Variants in BAIAP2 observed in about 807,000 individuals in gnomAD.
BAIAP2 encodes the protein BAR/IMD domain containing adaptor protein 2.
In BAIAP2, 18 loss-of-function variants were observed where a neutral mutation model predicts 63.0. The ratio of observed to expected loss-of-function variants is 0.29; its 90% CI spans 0.20 to 0.42. BAIAP2 has a LOEUF of 0.42. Among genes scored for constraint, BAIAP2 ranks in the 10% least tolerant of loss-of-function variants. The probability of loss-of-function intolerance (pLI) is 1.00; values close to 1 mark genes in which losing one functional copy is unlikely to be tolerated. For synonymous variants in BAIAP2, 386 were observed against 307.6 expected (o/e 1.25, Z -2.67); for missense variants, 610 against 734.3 (o/e 0.83, Z 1.96).
chr17:81,103,752 C>T (rs777942500), intron 8 of BAIAP2, 29 bp downstream of exon 8: 5 of 718,468 alleles, frequency 7.0e-6, no homozygotes, highest in Admixed American at 4.1e-5. Flanking sequence ...GAAAGCTTCA[C>T]GGGTGTGGGT....
chr17:81,115,642 C>A, intron 13 of BAIAP2, 128 bp from the exon 14 acceptor site: 2 of 1,117,896 alleles, frequency 1.8e-6, no homozygotes, highest in South Asian at 1.4e-5. Context: ...TGTCTGTGAG[C>A]TCTGTGCCCT....
At chr17:81,072,364 T>C (rs558984472) in intron 3 of BAIAP2, among the ~76,000 whole-genome samples, 2 of 152,360 alleles carry the variant, frequency 1.3e-5, no homozygotes, top group African/African-American at 4.8e-5. Context: ...GGAGGGGCTC[T>C]CCTCAGTGTC....
chr17:81,045,339 G>A (rs2047659888), intron 1 of BAIAP2, among the ~76,000 whole-genome samples: 1 of 152,176 alleles, frequency 6.6e-6, no homozygotes, highest in African/African-American at 2.4e-5. Context: ...ATGGCCGTGT[G>A]GCCCTTCCCA....
intron 3 of BAIAP2, among the ~76,000 whole-genome samples, chr17:81,073,038 C>A (rs1215277614): frequency 6.6e-6 from 1 of 152,098 alleles, no homozygotes; most frequent in Non-Finnish European, 1.5e-5. Flanking sequence ...CAGGATGACC[C>A]CCAGCCAGCA....
intron 10 of BAIAP2, 137 bp from the exon 11 acceptor site, chr17:81,105,941 A>G (rs910358500): frequency 1.4e-6 from 1 of 709,578 alleles, no homozygotes; most frequent in Non-Finnish European, 2.4e-6. Context: ...GTCTCCCTGG[A>G]GCACTGTCTC....
intron 3 of BAIAP2, among the ~76,000 whole-genome samples, chr17:81,070,599 T>C (rs1326366371): frequency 1.3e-5 from 2 of 152,186 alleles, no homozygotes; most frequent in Non-Finnish European, 2.9e-5. Flanking sequence ...GGCGTGCCTG[T>C]CCCGCTGCAG....
chr17:81,041,020 G>A (rs909702298), intron 1 of BAIAP2, among the ~76,000 whole-genome samples: 2 of 152,234 alleles, frequency 1.3e-5, no homozygotes, highest in Non-Finnish European at 2.9e-5. Flanking sequence ...GCGGGGGCCC[G>A]TTTCTGCCTG....
intron 1 of BAIAP2, 64 bp from the exon 2 acceptor site, chr17:81,053,604 G>T: frequency 6.3e-7 from 1 of 1,582,572 alleles, no homozygotes; most frequent in Non-Finnish European, 8.7e-7. Flanking sequence ...TCTGTGTTCG[G>T]ACCCTTCGGA....
At position 81,035,172 on chromosome 17, in the gene BAIAP2, C is replaced by A; in HGVS notation, c.-83C>A. 1 of 1,207,592 alleles carries A rather than the reference C, an allele frequency of 8.3e-7. No individual in the cohort carries two copies. Among genetic ancestry groups the A allele is most frequent in the Non-Finnish European group, 1.1e-6 (1 of 896,148 alleles). The allele number at this position is 1,207,592 out of a possible 1,614,324, so 74.8% of individuals were successfully genotyped here. On this transcript the variant is annotated 5_prime_UTR_variant, in exon 1 of 14. Transcript: ENST00000428708. The stretch of plus-strand genomic sequence containing the variant: ...CTCTGTGGTTCGGGTCCGCTTTCGT[C>A]TCCGTCCTGCTGCCGTTACCGCCGC...
At chr17:81,071,887 G>A (rs568377840) in intron 3 of BAIAP2, among the ~76,000 whole-genome samples, 17 of 152,248 alleles carry the variant, frequency 1.1e-4, no homozygotes, top group African/African-American at 2.4e-4. Flanking sequence ...AGCGTGGCAC[G>A]GAGGCGCCGG....
intron 13 of BAIAP2, chr17:81,110,522 G>T: frequency 1.8e-6 from 2 of 1,101,578 alleles, no homozygotes; most frequent in Middle Eastern, 4.0e-4. Flanking sequence ...CACGAGTTGG[G>T]TATGGACCTC....
intron 2 of BAIAP2, chr17:81,057,567 C>A: frequency 1.0e-6 from 1 of 987,676 alleles, no homozygotes; most frequent in Non-Finnish European, 1.2e-6. Context: ...GTACAACACT[C>A]CCTCCCCCCG....
intron 3 of BAIAP2, among the ~76,000 whole-genome samples, chr17:81,065,464 G>A (rs1326933540): frequency 6.6e-6 from 1 of 152,214 alleles, no homozygotes; most frequent in Non-Finnish European, 1.5e-5. Context: ...GGGCAGGGCA[G>A]GTGCTCACCA....
chr17:81,079,329 C>T (rs904275466), intron 3 of BAIAP2, among the ~76,000 whole-genome samples: 13 of 152,202 alleles, frequency 8.5e-5, no homozygotes, highest in African/African-American at 2.9e-4. Context: ...GCCTGGCGAC[C>T]GCCCCGTCTG....
chr17:81,059,938 G>A (rs1568093515), intron 3 of BAIAP2, among the ~76,000 whole-genome samples: 1 of 152,178 alleles, frequency 6.6e-6, no homozygotes, highest in Non-Finnish European at 1.5e-5. Flanking sequence ...GGAGTCCCTG[G>A]TGGTTGACTG....
At chr17:81,090,824 A>G (rs2056601989) in intron 6 of BAIAP2, among the ~76,000 whole-genome samples, 1 of 135,922 alleles carries the variant, frequency 7.4e-6, no homozygotes, top group Non-Finnish European at 1.7e-5. Flanking sequence ...TCGCTGCTCC[A>G]GGCCCCTTGC....
At chr17:81,095,173 C>G (rs1348098778) in intron 6 of BAIAP2, among the ~76,000 whole-genome samples, 1 of 152,194 alleles carries the variant, frequency 6.6e-6, no homozygotes, top group Non-Finnish European at 1.5e-5. Context: ...CAGCCGGTGG[C>G]TCAGCGGCGG....
intron 1 of BAIAP2, 133 bp downstream of exon 1, chr17:81,035,441 T>C: frequency 2.5e-6 from 1 of 404,782 alleles, no homozygotes; most frequent in Non-Finnish European, 3.3e-6. Context: ...TTGGGGGTCT[T>C]CCCGGCGCGG....
intron 3 of BAIAP2, among the ~76,000 whole-genome samples, chr17:81,068,547 G>A (rs1203916407): frequency 1.3e-5 from 2 of 152,220 alleles, no homozygotes; most frequent in Non-Finnish European, 2.9e-5. Context: ...CCCAGGATCA[G>A]TGTGAAACAA....
Sources: gnomAD v4.1 joint callset for allele counts (sites outside exome capture counted in the v4.1 genomes callset) on GRCh38, gnomAD v4.1.1 for gene constraint, MANE v1.5 for transcripts, NCBI Gene and HGNC (gene_info 2026-07-23, HGNC 2026-07-21) for gene names.